Variants in EIF4G3 observed in about 807,000 individuals in gnomAD.
The protein encoded by EIF4G3 is eIF-4-gamma 3.
In EIF4G3, 34 loss-of-function variants were observed where a neutral mutation model predicts 186.4. That is an observed-to-expected ratio of 0.18 (90% CI 0.14 to 0.24). EIF4G3 has a LOEUF of 0.24. Among genes scored for constraint, EIF4G3 ranks in the 10% least tolerant of loss-of-function variants. The probability of loss-of-function intolerance (pLI) is 1.00; values close to 1 mark genes in which losing one functional copy is unlikely to be tolerated. For missense variants in EIF4G3, 1,536 were observed against 1,948.5 expected (o/e 0.79, Z 3.99); for synonymous variants, 673 against 679.5 (o/e 0.99, Z 0.15).
intron 14 of EIF4G3, among the ~76,000 whole-genome samples, chr1:20,930,730 A>G (rs2095267328): frequency 6.6e-6 from 1 of 152,118 alleles, no homozygotes; most frequent in African/African-American, 2.4e-5. Context: ...TTATTTTGCT[A>G]TTTCCATCAC....
chr1:21,172,322 A>C (rs897024383), intron 2 of EIF4G3, among the ~76,000 whole-genome samples: 1 of 152,154 alleles, frequency 6.6e-6, no homozygotes, highest in Non-Finnish European at 1.5e-5. Flanking sequence ...GACTACTCTC[A>C]CAGCAGAGTT....
intron 3 of EIF4G3, among the ~76,000 whole-genome samples, chr1:21,082,088 G>T (rs2095807471): frequency 1.3e-5 from 2 of 151,002 alleles, no homozygotes; most frequent in South Asian, 4.2e-4. Flanking sequence ...GAGCCACCGT[G>T]CCTGGCCAAG....
chr1:21,052,319 A>G (rs568916643), intron 3 of EIF4G3, among the ~76,000 whole-genome samples: 6 of 152,182 alleles, frequency 3.9e-5, no homozygotes, highest in Non-Finnish European at 7.3e-5. Flanking sequence ...GCAAACTTTC[A>G]TGAATTATGG....
chr1:21,016,752 G>T (rs6426656), intron 4 of EIF4G3, among the ~76,000 whole-genome samples: 1 of 151,720 alleles, frequency 6.6e-6, no homozygotes, highest in East Asian at 1.9e-4. Flanking sequence ...TTCAAGACCT[G>T]AGGTCAGGAG....
chr1:20,960,383 T>C (rs2096544907), intron 12 of EIF4G3, among the ~76,000 whole-genome samples: 2 of 151,852 alleles, frequency 1.3e-5, no homozygotes. Flanking sequence ...GAAGAATCAC[T>C]TGAACCCAGG....
At chr1:21,033,249 G>A (rs754711557) in intron 4 of EIF4G3, among the ~76,000 whole-genome samples, 8 of 151,774 alleles carry the variant, frequency 5.3e-5, no homozygotes, top group Admixed American at 3.9e-4. Context: ...TAATAAATAC[G>A]GTAAGAGTCA....
At chr1:21,159,582 C>CA (rs931753993) in intron 2 of EIF4G3, among the ~76,000 whole-genome samples, 16 of 150,162 alleles carry the variant, frequency 1.1e-4, no homozygotes, top group East Asian at 4.0e-4. Context: ...ACTAAAAATA[C>CA]AAAAAAAATT....
chr1:20,982,330 A>G, intron 8 of EIF4G3, 58 bp downstream of exon 8: 2 of 1,275,266 alleles, frequency 1.6e-6, no homozygotes, highest in South Asian at 1.4e-5. Context: ...ATCAATCTCA[A>G]TGTAATAATA....
chr1:21,070,486 T>C (rs78266785), intron 3 of EIF4G3, among the ~76,000 whole-genome samples: 2,340 of 152,262 alleles, frequency 0.015, 20 homozygotes, highest in Non-Finnish European at 0.023. Context: ...ATCAAAACAT[T>C]AGAGATCTTT....
intron 3 of EIF4G3, among the ~76,000 whole-genome samples, chr1:21,057,205 T>C (rs1472963740): frequency 6.6e-6 from 1 of 152,162 alleles, no homozygotes; most frequent in African/African-American, 2.4e-5. Context: ...CCAGGGTACA[T>C]GAACAAAAAT....
At chr1:20,950,233 A>G (rs1361489664) in intron 12 of EIF4G3, 122 bp from the exon 13 acceptor site, 15 of 592,846 alleles carry the variant, frequency 2.5e-5, no homozygotes, top group Middle Eastern at 3.2e-4. Context: ...AAAAAAGGAA[A>G]GCAAGGAAAA....
chr1:21,112,441 G>T (rs1400198253), intron 2 of EIF4G3, among the ~76,000 whole-genome samples: 3 of 151,820 alleles, frequency 2.0e-5, no homozygotes, highest in Admixed American at 6.6e-5. Context: ...TTAGCTTTTG[G>T]TTATAACATT....
At chr1:21,045,199 GA>G (rs1179900942) in intron 4 of EIF4G3, among the ~76,000 whole-genome samples, 3 of 152,128 alleles carry the variant, frequency 2.0e-5, no homozygotes, top group Non-Finnish European at 4.4e-5. Context: ...ACAACACAGA[GA>G]AATTCTCCTT....
chr1:21,170,445 T>G (rs1347137934), intron 2 of EIF4G3, among the ~76,000 whole-genome samples: 2 of 151,524 alleles, frequency 1.3e-5, no homozygotes, highest in East Asian at 3.9e-4. Context: ...CTGAGATGGG[T>G]GGATCACTTG....
At chr1:21,075,356 G>A (rs1000676025) in intron 3 of EIF4G3, among the ~76,000 whole-genome samples, 1 of 151,818 alleles carries the variant, frequency 6.6e-6, no homozygotes, top group Non-Finnish European at 1.5e-5. Flanking sequence ...ATCACCTGAG[G>A]CCAGGAGTTT....
chr1:21,082,017 TC>T (rs2095805006), intron 3 of EIF4G3, among the ~76,000 whole-genome samples: 1 of 151,284 alleles, frequency 6.6e-6, no homozygotes, highest in East Asian at 1.9e-4. Flanking sequence ...GGTCTCAAAC[TC>T]CTGAGCTCAA....
intron 3 of EIF4G3, among the ~76,000 whole-genome samples, chr1:21,088,427 A>G (rs1162878653): frequency 1.6e-5 from 1 of 61,182 alleles, no homozygotes; most frequent in Non-Finnish European, 4.5e-5. Context: ...CTCAAAATTT[A>G]AAAAAAAAGT....
intron 2 of EIF4G3, among the ~76,000 whole-genome samples, chr1:21,105,532 GT>G (rs11357971): frequency 0.37 from 56,111 of 151,552 alleles, 11,012 homozygotes; most frequent in Non-Finnish European, 0.43. Flanking sequence ...CCTAAAATAT[GT>G]TTTTTTAAGA....
intron 13 of EIF4G3, among the ~76,000 whole-genome samples, chr1:20,945,788 ATT>A (rs1054662545): frequency 3.9e-5 from 6 of 152,116 alleles, no homozygotes; most frequent in African/African-American, 1.4e-4. Flanking sequence ...TCTGGCAAGA[ATT>A]TGTTTGTTTG....
Sources: gnomAD v4.1 joint callset for allele counts (sites outside exome capture counted in the v4.1 genomes callset) on GRCh38, gnomAD v4.1.1 for gene constraint, MANE v1.5 for transcripts, NCBI Gene and HGNC (gene_info 2026-07-23, HGNC 2026-07-21) for gene names.